The following PCSK5 variants were observed in gnomAD, a reference collection of about 807,000 sequenced individuals.
The protein encoded by PCSK5 is prohormone convertase 5.
PCSK5 carries 129 observed loss-of-function variants against 233.2 expected under a neutral mutation model. The observed-to-expected ratio is 0.55, with a 90% CI of 0.48 to 0.64. The LOEUF (loss-of-function observed/expected upper bound fraction) is 0.64, where lower values mean the gene tolerates loss of function less well. Ranked by LOEUF, PCSK5 falls within the 30% of genes least tolerant of loss-of-function variation. The probability of loss-of-function intolerance (pLI) is 0.00; values close to 1 mark genes in which losing one functional copy is unlikely to be tolerated. For missense variants in PCSK5, 2,076 were observed against 2,430.1 expected (o/e 0.85, Z 3.06); for synonymous variants, 825 against 879.2 (o/e 0.94, Z 1.09).
chr9:76,151,210 C>T (rs1823660432), intron 10 of PCSK5, among the ~76,000 whole-genome samples: 1 of 152,092 alleles, frequency 6.6e-6, no homozygotes, highest in African/African-American at 2.4e-5. Flanking sequence ...CATTGAGGAT[C>T]AAAGAATCCA....
intron 2 of PCSK5, among the ~76,000 whole-genome samples, chr9:75,967,411 T>C (rs1825637157): frequency 6.6e-6 from 1 of 152,236 alleles, no homozygotes; most frequent in Admixed American, 6.5e-5. Flanking sequence ...TCCGTGTTGC[T>C]GCAAACGACA....
chr9:76,046,135 G>A (rs908901183), intron 5 of PCSK5, among the ~76,000 whole-genome samples: 1 of 139,582 alleles, frequency 7.2e-6, no homozygotes, highest in African/African-American at 2.7e-5. Context: ...AACTTTAGTA[G>A]CATTAACACA....
intron 9 of PCSK5, among the ~76,000 whole-genome samples, chr9:76,114,168 GAATT>G (rs1206984272): frequency 2.0e-5 from 3 of 152,118 alleles, no homozygotes; most frequent in East Asian, 3.9e-4. Flanking sequence ...AGGGTGAAGA[GAATT>G]AAAAGAAAAC....
intron 24 of PCSK5, among the ~76,000 whole-genome samples, chr9:76,242,191 TC>T (rs1278791200): frequency 6.6e-6 from 1 of 152,218 alleles, no homozygotes; most frequent in Non-Finnish European, 1.5e-5. Flanking sequence ...AACTGGTATA[TC>T]ATCACCTCAC....
rs1337701996 is a variant in PCSK5 at position 76,192,574 on chromosome 9, C to G, written c.2626+2828C>G. ...GTTGGATGCAGAGACATCTGTTCAACCGAGTTAGGCACATGACTACTTCTT... is the reference window on the plus strand; with the variant it reads ...GTTGGATGCAGAGACATCTGTTCAAGCGAGTTAGGCACATGACTACTTCTT... On this transcript the variant is annotated intron_variant, in intron 20 of 37. Transcript: ENST00000674117. 3.3e-5 allele frequency among the ~76,000 whole-genome samples: 5 copies of G among 152,010 alleles called. 1 individual carries two copies. The highest frequency in any genetic ancestry group is 3.3e-4 in the Admixed American group (5 of 15,268).
intron 1 of PCSK5, among the ~76,000 whole-genome samples, chr9:75,925,240 C>T (rs1380832124): frequency 6.6e-6 from 1 of 151,938 alleles, no homozygotes; most frequent in African/African-American, 2.4e-5. Context: ...TTATTCATTC[C>T]CCATGTATTT....
At chr9:76,191,688 C>CTGATTCTACTA (rs1824387013) in intron 20 of PCSK5, among the ~76,000 whole-genome samples, 1 of 152,188 alleles carries the variant, frequency 6.6e-6, no homozygotes, top group African/African-American at 2.4e-5. Flanking sequence ...CTCGCCAGGG[C>CTGATTCTACTA]TGATTCTACT....
chr9:76,342,410 A>G (rs1407157614), intron 35 of PCSK5, among the ~76,000 whole-genome samples: 1 of 152,080 alleles, frequency 6.6e-6, no homozygotes, highest in Non-Finnish European at 1.5e-5. Flanking sequence ...AAAATGATTC[A>G]TCTTGAGGCA....
chr9:76,002,044 A>G (rs1214787887), intron 3 of PCSK5, among the ~76,000 whole-genome samples: 2 of 152,224 alleles, frequency 1.3e-5, no homozygotes, highest in Admixed American at 6.5e-5. Flanking sequence ...CAAGACATGT[A>G]ATTCCCATAG....
chr9:75,977,084 A>G (rs907733618), intron 2 of PCSK5, among the ~76,000 whole-genome samples: 1 of 152,220 alleles, frequency 6.6e-6, no homozygotes, highest in Non-Finnish European at 1.5e-5. Flanking sequence ...TTTGCAGTTT[A>G]TGAAACAACT....
chr9:76,038,569 G>A (rs1828962630), intron 5 of PCSK5, among the ~76,000 whole-genome samples: 1 of 152,140 alleles, frequency 6.6e-6, no homozygotes, highest in Non-Finnish European at 1.5e-5. Context: ...GCACTTGATT[G>A]TTTTCTTCTC....
At chr9:75,907,040 C>T (rs1437295095) in intron 1 of PCSK5, among the ~76,000 whole-genome samples, 1 of 152,184 alleles carries the variant, frequency 6.6e-6, no homozygotes, top group Non-Finnish European at 1.5e-5. Flanking sequence ...TGCGCCCTGT[C>T]TCATTAAATA....
intron 5 of PCSK5, among the ~76,000 whole-genome samples, chr9:76,042,305 C>T (rs1269326462): frequency 6.6e-6 from 1 of 152,218 alleles, no homozygotes; most frequent in African/African-American, 2.4e-5. Context: ...TAAAAGCGTA[C>T]TAACTGCCAT....
At chr9:76,189,585 C>T (rs748419046) in intron 19 of PCSK5, 46 bp from the exon 20 acceptor site, 2 of 1,130,744 alleles carry the variant, frequency 1.8e-6, no homozygotes, top group Non-Finnish European at 2.7e-6. Flanking sequence ...ACACCTTCCC[C>T]TGTGCATGTG....
intron 28 of PCSK5, among the ~76,000 whole-genome samples, chr9:76,303,741 G>T (rs956950925): frequency 6.6e-6 from 1 of 152,160 alleles, no homozygotes; most frequent in Admixed American, 6.5e-5. Context: ...GGACAGAATC[G>T]GTTACTTTGA....
intron 1 of PCSK5, among the ~76,000 whole-genome samples, chr9:75,912,046 AT>A (rs1822762459): frequency 6.6e-6 from 1 of 152,198 alleles, no homozygotes; most frequent in Admixed American, 6.5e-5. Context: ...GGTAAGTCAG[AT>A]AGTGGTAAGT....
At chr9:76,259,823 G>T (rs745473617) in intron 24 of PCSK5, among the ~76,000 whole-genome samples, 6 of 152,024 alleles carry the variant, frequency 3.9e-5, no homozygotes, top group Non-Finnish European at 8.8e-5. Context: ...TTCAGTCTCA[G>T]GGCTCACCTC....
chr9:75,896,107 C>T (rs956024195), intron 1 of PCSK5, among the ~76,000 whole-genome samples: 1 of 152,156 alleles, frequency 6.6e-6, no homozygotes, highest in African/African-American at 2.4e-5. Flanking sequence ...TCTTCATGCT[C>T]AAGATCCTCA....
In PCSK5 at chr9:76,188,598, C is replaced by G. The variant is rs772666321; in HGVS notation, c.2303C>G (p.Ser768Cys). The change falls in exon 18 of 38, where the codon TCT (serine) becomes TGT (cysteine). Residue 768 changes from serine to cysteine, a missense_variant. Physicochemically the swap from Ser to Cys is moderately radical, Grantham distance 112. Transcript: ENST00000674117. Reference sequence around the variant, plus strand: ...TCCAGCCTGCAGGGATCCCGGTGCTCTGTCTCCTGTGAAGATGGACGGTAT... The same window carrying G: ...TCCAGCCTGCAGGGATCCCGGTGCTGTGTCTCCTGTGAAGATGGACGGTAT... ...DGLSLQGSRC[S>C]VSCEDGRYFN... is the part of the protein sequence containing the mutation. 6.2e-7 allele frequency: 1 copy of G among 1,613,540 alleles called. No individual in the cohort carries two copies. The highest frequency in any genetic ancestry group is 8.5e-7 in the Non-Finnish European group (1 of 1,179,532).
Sources: gnomAD v4.1 joint callset for allele counts (sites outside exome capture counted in the v4.1 genomes callset) on GRCh38, gnomAD v4.1.1 for gene constraint, MANE v1.5 for transcripts, NCBI Gene and HGNC (gene_info 2026-07-23, HGNC 2026-07-21) for gene names.